METTL15: variants seen among roughly 807,000 people sequenced by gnomAD.
The protein encoded by METTL15 is 12S rRNA N(4)-cytidine methyltransferase METTL15.
A neutral mutation model predicts 38.3 loss-of-function variants in METTL15; 34 were observed. The observed-to-expected ratio is 0.89, with a 90% CI of 0.68 to 1.18. The LOEUF is 1.18. METTL15 is among the 50% of genes most tolerant of loss of function. The pLI is 0.00. For synonymous variants in METTL15, 162 were observed against 170.9 expected (o/e 0.95, Z 0.41); for missense variants, 438 against 498.4 (o/e 0.88, Z 1.15).
intron 6 of METTL15, among the ~76,000 whole-genome samples, chr11:28,478,256 A>G (rs920891046): frequency 6.6e-6 from 1 of 152,182 alleles, no homozygotes; most frequent in Non-Finnish European, 1.5e-5. Context: ...CTTGGTAAAA[A>G]TGTTGACCAT....
In METTL15 at chr11:28,397,136, C is replaced by T. The variant is rs547228567; in HGVS notation, c.*359-27163C>T. On this transcript the variant is annotated intron_variant and NMD_transcript_variant, in intron 5 of 7. Coordinates refer to the METTL15 transcript ENST00000532947. ...AATGTTAGACCTAAAACCATAAAAA[C>T]CCTAGAAGAAAACCTAGGCAATACC... 2.0e-3 allele frequency among the ~76,000 whole-genome samples: 309 copies of T among 152,136 alleles called. 1 individual carries two copies. Among genetic ancestry groups the T allele is most frequent in the African/African-American group, 7.2e-3 (300 of 41,510 alleles).
intron 3 of METTL15, chr11:28,122,029 T>C (rs1310630228): frequency 1.8e-6 from 1 of 550,210 alleles, no homozygotes; most frequent in Admixed American, 5.9e-5. Context: ...GATCATTTAA[T>C]AAATTGTATA....
chr11:28,219,382 A>T (rs1203042391), intron 4 of METTL15, among the ~76,000 whole-genome samples: 7 of 151,984 alleles, frequency 4.6e-5, no homozygotes, highest in South Asian at 2.1e-4. Context: ...GGTAGTTTGT[A>T]TTTCTGTGGG....
rs1258144016 is a variant in METTL15 at position 28,330,889 on chromosome 11, T to C, written c.*48T>C. The C allele has an allele frequency of 1.4e-6, 2 of 1,392,196 alleles. No homozygotes were observed. The highest frequency in any genetic ancestry group is 2.9e-5 in the African/African-American group (2 of 68,646). The allele number at this position is 1,392,196 out of a possible 1,614,324, so 86.2% of individuals were successfully genotyped here. ...AATTTTTTTCTCACAATTTCTCTAATCTTTACTCATGTTATGTCCCTGAAT... is the reference window on the plus strand; with the variant it reads ...AATTTTTTTCTCACAATTTCTCTAACCTTTACTCATGTTATGTCCCTGAAT... On this transcript the variant is annotated 3_prime_UTR_variant, in exon 7 of 7. Transcript: ENST00000407364.
intron 4 of METTL15, among the ~76,000 whole-genome samples, chr11:28,244,311 A>AT (rs1402940299): frequency 6.6e-6 from 1 of 152,102 alleles, no homozygotes; most frequent in Non-Finnish European, 1.5e-5. Flanking sequence ...ATTTATTGTA[A>AT]TTTTTTGTCC....
chr11:28,350,558 T>C (rs1052307381), intron 3 of METTL15, among the ~76,000 whole-genome samples: 1 of 152,214 alleles, frequency 6.6e-6, no homozygotes, highest in Non-Finnish European at 1.5e-5. Context: ...GGTTGAGGAC[T>C]TTTGGATAAG....
At chr11:28,190,277 A>T (rs1851652776) in intron 3 of METTL15, among the ~76,000 whole-genome samples, 1 of 151,124 alleles carries the variant, frequency 6.6e-6, no homozygotes, top group Non-Finnish European at 1.5e-5. Context: ...TAACAAAGAG[A>T]ATTTATATTT....
intron 3 of METTL15, among the ~76,000 whole-genome samples, chr11:28,208,150 A>G (rs1852447934): frequency 6.6e-6 from 1 of 152,078 alleles, no homozygotes; most frequent in Admixed American, 6.6e-5. Context: ...GCCTTCTGCT[A>G]ACTTTTGAAT....
At chr11:28,248,872 C>A (rs1268052595) in intron 4 of METTL15, among the ~76,000 whole-genome samples, 1 of 152,048 alleles carries the variant, frequency 6.6e-6, no homozygotes, top group East Asian at 1.9e-4. Flanking sequence ...CACTCTCCCA[C>A]AAAACTCAAT....
At chr11:28,503,849 A>G (rs965857434) in intron 6 of METTL15, among the ~76,000 whole-genome samples, 10 of 152,038 alleles carry the variant, frequency 6.6e-5, no homozygotes, top group African/African-American at 2.4e-4. Flanking sequence ...TCATATTCAT[A>G]AATATCCTGT....
At chr11:28,518,740 G>T (rs747532589) in intron 6 of METTL15, among the ~76,000 whole-genome samples, 19 of 152,302 alleles carry the variant, frequency 1.2e-4, no homozygotes, top group East Asian at 5.8e-4. Context: ...GAAATCCTAA[G>T]TTAGAGGCAA....
chr11:28,213,951 G>A (rs1487074856), intron 4 of METTL15, among the ~76,000 whole-genome samples: 2 of 152,020 alleles, frequency 1.3e-5, no homozygotes, highest in Non-Finnish European at 2.9e-5. Context: ...CACCACGCCC[G>A]GCCAAAGCAA....
At chr11:28,191,829 C>T (rs1480002101) in intron 3 of METTL15, among the ~76,000 whole-genome samples, 3 of 151,714 alleles carry the variant, frequency 2.0e-5, no homozygotes, top group Admixed American at 2.0e-4. Flanking sequence ...ATACCTAAAA[C>T]AATTAACATA....
intron 3 of METTL15, among the ~76,000 whole-genome samples, chr11:28,151,373 T>C (rs1850084107): frequency 6.6e-6 from 1 of 151,972 alleles, no homozygotes; most frequent in Admixed American, 6.6e-5. Context: ...TTTACTGTTA[T>C]ATGGATCTAA....
downstream of METTL15, among the ~76,000 whole-genome samples, chr11:28,336,848 A>T (rs370524705): frequency 2.6e-5 from 4 of 152,220 alleles, no homozygotes; most frequent in African/African-American, 9.6e-5. Flanking sequence ...CCTTGTACTT[A>T]TTTTTTTAAA....
downstream of METTL15, among the ~76,000 whole-genome samples, chr11:28,529,155 A>G (rs1031478069): frequency 6.6e-6 from 1 of 152,150 alleles, no homozygotes; most frequent in East Asian, 1.9e-4. Flanking sequence ...AGTTGAAACC[A>G]CTAATGAGGT....
intron 4 of METTL15, among the ~76,000 whole-genome samples, chr11:28,223,127 AAGGAAACATGTTTTTAC>A (rs1412474739): frequency 3.9e-5 from 6 of 152,140 alleles, no homozygotes. Context: ...AAGAATATCT[AAGGAAACATGTTTTTAC>A]ATTTCCTACA....
chr11:28,182,905 ATTTG>A (rs1382781075), intron 3 of METTL15, among the ~76,000 whole-genome samples: 1 of 151,848 alleles, frequency 6.6e-6, no homozygotes, highest in Non-Finnish European at 1.5e-5. Context: ...ATGTTTTTCT[ATTTG>A]TTTGTGTCCT....
intron 3 of METTL15, among the ~76,000 whole-genome samples, chr11:28,341,813 T>A (rs571234552): frequency 1.3e-5 from 2 of 152,304 alleles, no homozygotes; most frequent in South Asian, 4.1e-4. Context: ...AGTGGACTCT[T>A]CTCTGTGTGG....
Sources: gnomAD v4.1 joint callset for allele counts (sites outside exome capture counted in the v4.1 genomes callset) on GRCh38, gnomAD v4.1.1 for gene constraint, MANE v1.5 for transcripts, NCBI Gene and HGNC (gene_info 2026-07-23, HGNC 2026-07-21) for gene names.